Variants in SGCD observed in about 807,000 individuals in gnomAD.
SGCD encodes sarcoglycan delta.
In SGCD, 18 loss-of-function variants were observed where a neutral mutation model predicts 36.6. That is an observed-to-expected ratio of 0.49 (90% confidence interval 0.34 to 0.73). The LOEUF is 0.73. SGCD is among the 30% of genes least tolerant of loss of function. SGCD has a pLI of 0.01. For synonymous variants in SGCD, 133 were observed against 130.6 expected (o/e 1.02, Z -0.12); for missense variants, 387 against 346.7 (o/e 1.12, Z -0.92).
At chr5:155,922,190 C>T (rs772782688) in intron 1 of SGCD, among the ~76,000 whole-genome samples, 3 of 152,106 alleles carry the variant, frequency 2.0e-5, no homozygotes, top group Non-Finnish European at 2.9e-5. Flanking sequence ...GTTAGGGCTC[C>T]ATTGAGTTTT....
intron 3 of SGCD, among the ~76,000 whole-genome samples, chr5:156,178,137 A>G (rs572792673): frequency 3.3e-5 from 5 of 152,326 alleles, no homozygotes; most frequent in African/African-American, 1.2e-4. Context: ...CATACTGTGA[A>G]AAACTGTGAT....
chr5:156,473,644 T>A (rs1755062717), intron 3 of SGCD, among the ~76,000 whole-genome samples: 1 of 152,208 alleles, frequency 6.6e-6, no homozygotes, highest in African/African-American at 2.4e-5. Context: ...CTTGGGAGTG[T>A]CATCTGTATC....
At chr5:156,144,696 A>C (rs1479676365) in intron 3 of SGCD, among the ~76,000 whole-genome samples, 2 of 151,974 alleles carry the variant, frequency 1.3e-5, no homozygotes, top group African/African-American at 2.4e-5. Flanking sequence ...TTGCCTGTTC[A>C]CTCTGATGGT....
chr5:155,794,299 A>G, the SGCD span, among the ~76,000 whole-genome samples: 4 of 152,176 alleles, frequency 2.6e-5, no homozygotes, highest in Non-Finnish European at 4.4e-5. Context: ...AATATTTGAT[A>G]TTAAGTATTA....
At chr5:156,344,722 G>C (rs368714925) in intron 3 of SGCD, 45 bp downstream of exon 3, 1 of 1,408,566 alleles carries the variant, frequency 7.1e-7, no homozygotes, top group African/African-American at 1.4e-5. Context: ...TCCGGGAGGG[G>C]AAGCGTGGGG....
chr5:156,107,426 T>C (rs1761675430), intron 1 of SGCD, among the ~76,000 whole-genome samples: 1 of 152,196 alleles, frequency 6.6e-6, no homozygotes, highest in Non-Finnish European at 1.5e-5. Context: ...TATAGTTAGC[T>C]ACTAAGACTA....
chr5:155,928,005 A>G (rs1054539839), intron 1 of SGCD, among the ~76,000 whole-genome samples: 1 of 152,238 alleles, frequency 6.6e-6, no homozygotes, highest in South Asian at 2.1e-4. Context: ...AGGCGTGCTC[A>G]TGGGAAAACG....
chr5:156,348,340 C>A (rs1769055004), intron 3 of SGCD, among the ~76,000 whole-genome samples: 1 of 152,026 alleles, frequency 6.6e-6, no homozygotes, highest in Non-Finnish European at 1.5e-5. Context: ...ATTACATGAG[C>A]ATATACCTAG....
chr5:156,024,230 G>A (rs187859345), intron 1 of SGCD, among the ~76,000 whole-genome samples: 81 of 152,092 alleles, frequency 5.3e-4, no homozygotes, highest in African/African-American at 1.7e-3. Context: ...GGCAATGTGT[G>A]CTTTGATGGA....
At chr5:156,607,458 T>A (rs1346701050) in intron 6 of SGCD, among the ~76,000 whole-genome samples, 2 of 152,248 alleles carry the variant, frequency 1.3e-5, no homozygotes, top group Non-Finnish European at 2.9e-5. Flanking sequence ...CAGTATTTTA[T>A]TGAGGATTTT....
chr5:156,396,446 T>C (rs1771852374), intron 3 of SGCD, among the ~76,000 whole-genome samples: 1 of 152,182 alleles, frequency 6.6e-6, no homozygotes, highest in Non-Finnish European at 1.5e-5. Flanking sequence ...TTTTTATTGT[T>C]GCAGGGTGGA....
At chr5:155,883,310 C>T (rs1236640748) in intron 1 of SGCD, among the ~76,000 whole-genome samples, 1 of 152,184 alleles carries the variant, frequency 6.6e-6, no homozygotes, top group African/African-American at 2.4e-5. Context: ...TTTGCATTTA[C>T]AACTTGGCTG....
chr5:156,728,722 C>T (rs1398759990), intron 7 of SGCD, among the ~76,000 whole-genome samples: 1 of 151,830 alleles, frequency 6.6e-6, no homozygotes, highest in Non-Finnish European at 1.5e-5. Flanking sequence ...TTTTCAACTT[C>T]ACCGTGCACA....
chr5:155,911,463 G>A (rs557653243), intron 1 of SGCD, among the ~76,000 whole-genome samples: 5 of 151,946 alleles, frequency 3.3e-5, no homozygotes, highest in Non-Finnish European at 7.4e-5. Context: ...GTTCACAATA[G>A]TATTTGTATT....
intron 7 of SGCD, among the ~76,000 whole-genome samples, chr5:156,716,135 CA>C (rs1354796130): frequency 2.0e-5 from 3 of 152,170 alleles, no homozygotes; most frequent in Admixed American, 6.5e-5. Context: ...TGAGCTACCC[CA>C]CAGTGCTCCT....
chr5:156,179,904 G>T (rs10476319), intron 3 of SGCD, among the ~76,000 whole-genome samples: 1 of 151,930 alleles, frequency 6.6e-6, no homozygotes, highest in Admixed American at 6.6e-5. Flanking sequence ...GATTACAGGC[G>T]TGAGCCACAG....
intron 4 of SGCD, among the ~76,000 whole-genome samples, chr5:156,538,916 G>T (rs1200681810): frequency 6.6e-6 from 1 of 152,022 alleles, no homozygotes; most frequent in Non-Finnish European, 1.5e-5. Context: ...TAAATCAGGG[G>T]TGTAGATAAC....
chr5:155,872,329 T>C (rs1373222343), intron 1 of SGCD, among the ~76,000 whole-genome samples: 1 of 150,182 alleles, frequency 6.7e-6, no homozygotes, highest in African/African-American at 2.5e-5. Flanking sequence ...TGCCTTGCAA[T>C]TCAAGTGTTG....
chr5:156,146,446 G>T (rs1762712135), intron 3 of SGCD, among the ~76,000 whole-genome samples: 1 of 152,304 alleles, frequency 6.6e-6, no homozygotes. Flanking sequence ...ATGGTAGATG[G>T]TGTCAAGGGA....
Sources: allele counts gnomAD v4.1 joint callset (sites outside exome capture counted in the v4.1 genomes callset), GRCh38; gene constraint gnomAD v4.1.1; transcripts MANE v1.5; gene names NCBI Gene and HGNC (gene_info 2026-07-23, HGNC 2026-07-21).